The following FAM227A variants were observed in gnomAD, a reference collection of about 807,000 sequenced individuals.
The protein encoded by FAM227A is protein FAM227A.
Under a neutral mutation model 74.7 loss-of-function variants are expected in FAM227A, and 80 were observed. That is an observed-to-expected ratio of 1.07 (90% CI 0.89 to 1.29). FAM227A has a LOEUF of 1.29. Among genes scored for constraint, FAM227A ranks in the 50% most tolerant of loss-of-function variants. The pLI, the probability that FAM227A is intolerant of heterozygous loss-of-function variation, is 0.00. For synonymous variants in FAM227A, 237 were observed against 241.8 expected, an observed-to-expected ratio of 0.98 and a Z score of 0.19; for missense variants, 654 against 683.4, an observed-to-expected ratio of 0.96 and a Z score of 0.48.
chr22:38,632,239 G>C (rs1332721737), intron 6 of FAM227A, among the ~76,000 whole-genome samples: 1 of 152,138 alleles, frequency 6.6e-6, no homozygotes, highest in African/African-American at 2.4e-5. Flanking sequence ...TCTCATGTGG[G>C]AATATGATTG....
chr22:38,632,309 A>G (rs1180703956), intron 6 of FAM227A, among the ~76,000 whole-genome samples: 2 of 152,182 alleles, frequency 1.3e-5, no homozygotes, highest in African/African-American at 4.8e-5. Context: ...CCAGTGCAAC[A>G]GTGTTGGAAG....
rs553358405 is a variant in FAM227A, at chr22:38,587,696, T to C, written c.1639-1497A>G. On this transcript the variant is annotated intron_variant, in intron 16 of 16. Transcript: ENST00000535113. ...ATTCTTCTCAAGCTCTTCCAAAAAA[T>C]AGAAGAGGTAACAGTATTTCATAGC... 7.9e-5 allele frequency among the ~76,000 whole-genome samples: 12 copies of C among 152,088 alleles called. No homozygotes were observed. In the East Asian group the frequency reaches 9.6e-4, roughly 12 times the overall value.
chr22:38,649,492 G>GGAA (rs2092291913), intron 2 of FAM227A, among the ~76,000 whole-genome samples: 1 of 151,820 alleles, frequency 6.6e-6, no homozygotes, highest in African/African-American at 2.4e-5. Flanking sequence ...CTTGAACTTG[G>GGAA]GAAGTGGAGG....
Position 38,627,182 on chromosome 22 carries a change from A to G in FAM227A, c.727-879T>C, listed in dbSNP as rs905190393. Reference sequence around the variant, plus strand: ...AGCAATCCTTTTAGTATATATATACATACATATATACCTATATAAAAAGTA... The same window carrying G: ...AGCAATCCTTTTAGTATATATATACGTACATATATACCTATATAAAAAGTA... On this transcript the variant is annotated intron_variant, in intron 8 of 16. Coordinates refer to ENST00000535113, the MANE Select transcript of FAM227A (RefSeq NM_001013647.2). Among the ~76,000 whole-genome samples, 6 of 151,868 alleles carry G rather than the reference A, an allele frequency of 4.0e-5. 1 individual carries two copies. Among genetic ancestry groups the G allele is most frequent in the African/African-American group, 1.5e-4 (6 of 41,374 alleles).
chr22:38,591,257 G>A (rs1023735983), intron 16 of FAM227A, 178 bp downstream of exon 16: 2 of 1,224,596 alleles, frequency 1.6e-6, no homozygotes, highest in African/African-American at 1.6e-5. Context: ...CCAGGAGGTG[G>A]AGGCTGCAGT....
Position 38,604,710 on chromosome 22 carries a change from G to A in FAM227A, c.1221+544C>T, listed in dbSNP as rs1351420233. Among the ~76,000 whole-genome samples the A allele has an allele frequency of 2.0e-5, 3 of 152,122 alleles. No homozygotes were observed. In the East Asian group the frequency reaches 5.8e-4, roughly 29 times the overall value. On this transcript the variant is annotated intron_variant, in intron 13 of 16. Coordinates refer to ENST00000535113, the MANE Select transcript of FAM227A (RefSeq NM_001013647.2). ...ACTCTGTTGCCCAGGCTGGAGTGCA[G>A]TGGCGCGATCTTAGCTCACTGCAAC... is the stretch of plus-strand genomic sequence containing the variant.
chr22:38,591,456 T>C lies in FAM227A; in HGVS notation c.1617A>G (p.Glu539=), dbSNP rs775121095. ...MFIPPSAVNE[E]SPDKKTKEGK... is the part of the protein sequence containing the mutation. ...TTCCCTTAGTTTTCTTGTCAGGTGA[T>C]TCCTCATTGACGGCTGAAGGTGGGA... The change falls in exon 16 of 17, where the codon GAA becomes GAG. Residue 539 remains glutamate, a synonymous_variant. Transcript: ENST00000535113. The C allele has an allele frequency of 6.4e-7, 1 of 1,551,544 alleles. No homozygotes were observed. Among genetic ancestry groups the C allele is most frequent in the South Asian group, 1.2e-5 (1 of 84,006 alleles).
intron 11 of FAM227A, among the ~76,000 whole-genome samples, chr22:38,617,958 A>C (rs2146341308): frequency 6.6e-6 from 1 of 152,192 alleles, no homozygotes; most frequent in Non-Finnish European, 1.5e-5. Flanking sequence ...AAAAGAATAA[A>C]CCAATTAAAA....
chr22:38,582,401 A>G lies in FAM227A; in HGVS notation c.*3724T>C, dbSNP rs951866194. On this transcript the variant is annotated 3_prime_UTR_variant, in exon 17 of 17. Transcript: ENST00000535113. ...GCTGAGAGTATGGGTTTTCAGCAACACTGGGAATGACAGAATTAGAATATC... is the reference window on the plus strand; with the variant it reads ...GCTGAGAGTATGGGTTTTCAGCAACGCTGGGAATGACAGAATTAGAATATC... 4.5e-6 allele frequency: 7 copies of G among 1,550,160 alleles called. No individual in the cohort carries two copies. Among genetic ancestry groups the G allele is most frequent in the Admixed American group, 3.9e-5 (2 of 50,974 alleles).
chr22:38,651,231 T>A (rs375637634), intron 1 of FAM227A, among the ~76,000 whole-genome samples: 90 of 152,246 alleles, frequency 5.9e-4, no homozygotes, highest in African/African-American at 2.1e-3. Context: ...GCACCATGCC[T>A]CCTCTGCAAA....
chr22:38,597,575 G>C (rs940571373), intron 14 of FAM227A, among the ~76,000 whole-genome samples: 9 of 152,144 alleles, frequency 5.9e-5, no homozygotes, highest in Non-Finnish European at 1.3e-4. Flanking sequence ...CCTATCCGTG[G>C]CCAGGCGTTC....
intron 2 of FAM227A, among the ~76,000 whole-genome samples, chr22:38,649,657 C>T (rs540750491): frequency 4.1e-4 from 55 of 133,750 alleles, no homozygotes; most frequent in African/African-American, 1.5e-3. Flanking sequence ...ACTTGAGGTC[C>T]GGGGTTCAAG....
intron 5 of FAM227A, among the ~76,000 whole-genome samples, chr22:38,637,134 A>G (rs2092024191): frequency 6.6e-6 from 1 of 152,218 alleles, no homozygotes; most frequent in Non-Finnish European, 1.5e-5. Context: ...TGATTTATAT[A>G]TGATTCGTCT....
chr22:38,654,154 C>T (rs1569248533), intron 1 of FAM227A, among the ~76,000 whole-genome samples: 1 of 151,904 alleles, frequency 6.6e-6, no homozygotes, highest in South Asian at 2.1e-4. Context: ...CCAGACCATC[C>T]TGGCTAACAC....
intron 13 of FAM227A, among the ~76,000 whole-genome samples, chr22:38,603,535 TCTC>T (rs983209083): frequency 5.3e-5 from 8 of 151,578 alleles, no homozygotes; most frequent in African/African-American, 1.9e-4. Flanking sequence ...TGGGCACCCC[TCTC>T]CTCATCTCTT....
chr22:38,613,082 T>TTA (rs376965177), intron 11 of FAM227A, among the ~76,000 whole-genome samples: 18 of 93,334 alleles, frequency 1.9e-4, no homozygotes, highest in African/African-American at 4.4e-4. Flanking sequence ...TTATATATAA[T>TTA]TATATATATA....
At chr22:38,627,963 A>C (rs2091843106) in intron 8 of FAM227A, among the ~76,000 whole-genome samples, 1 of 151,092 alleles carries the variant, frequency 6.6e-6, no homozygotes, top group Non-Finnish European at 1.5e-5. Context: ...TTTGGTAAAT[A>C]TTTTTCCAGG....
intron 5 of FAM227A, among the ~76,000 whole-genome samples, chr22:38,638,163 T>C (rs556629171): frequency 6.6e-6 from 1 of 151,872 alleles, no homozygotes; most frequent in Admixed American, 6.6e-5. Flanking sequence ...AGACCCCATC[T>C]CAAAAAGAAA....
At chr22:38,612,006 C>A (rs1458634881) in intron 11 of FAM227A, among the ~76,000 whole-genome samples, 2 of 152,110 alleles carry the variant, frequency 1.3e-5, no homozygotes, top group African/African-American at 2.4e-5. Flanking sequence ...GTCCTTTCTT[C>A]CCCCACTTCT....
Sources: allele counts gnomAD v4.1 joint callset (sites outside exome capture counted in the v4.1 genomes callset), GRCh38; gene constraint gnomAD v4.1.1; transcripts MANE v1.5; gene names NCBI Gene and HGNC (gene_info 2026-07-23, HGNC 2026-07-21).